The following EYS variants were observed in gnomAD, a reference collection of about 807,000 sequenced individuals.
EYS encodes the protein EGF-like photoreceptor maintenance factor.
Under a neutral mutation model 282.1 loss-of-function variants are expected in EYS, and 250 were observed. That is an observed-to-expected ratio of 0.89 (90% CI 0.80 to 0.98). The LOEUF is 0.98. Among genes scored for constraint, EYS ranks in the 50% least tolerant of loss-of-function variants. The pLI is 0.00. For missense variants in EYS, 4,016 were observed against 3,709.0 expected (o/e 1.08, Z -2.15); for synonymous variants, 1,355 against 1,282.9 (o/e 1.06, Z -1.20).
intron 22 of EYS, among the ~76,000 whole-genome samples, chr6:64,797,064 T>C (rs917138331): frequency 6.6e-6 from 1 of 152,086 alleles, no homozygotes; most frequent in Non-Finnish European, 1.5e-5. Context: ...AAAAATCTGA[T>C]GAAGTTCAGC....
chr6:63,950,217 A>G (rs1250868870), intron 35 of EYS, among the ~76,000 whole-genome samples: 1 of 151,910 alleles, frequency 6.6e-6, no homozygotes, highest in Non-Finnish European at 1.5e-5. Flanking sequence ...CAAAAAAAAC[A>G]AAACCTGCTT....
At chr6:65,135,803 G>A (rs1309640822) in intron 12 of EYS, among the ~76,000 whole-genome samples, 1 of 151,890 alleles carries the variant, frequency 6.6e-6, no homozygotes, top group Non-Finnish European at 1.5e-5. Context: ...ATTATACATA[G>A]CTCTCTGTGA....
chr6:64,098,166 A>C (rs1249795100), intron 31 of EYS, among the ~76,000 whole-genome samples: 3 of 152,190 alleles, frequency 2.0e-5, no homozygotes, highest in African/African-American at 7.2e-5. Flanking sequence ...GTTTTCCTAG[A>C]TATTTCTAGA....
intron 14 of EYS, among the ~76,000 whole-genome samples, chr6:64,953,482 T>C (rs771331249): frequency 1.3e-5 from 2 of 151,844 alleles, no homozygotes; most frequent in Admixed American, 6.6e-5. Flanking sequence ...GTTTTCACTT[T>C]AATTCATAAA....
At chr6:63,917,118 G>A (rs961942614) in intron 35 of EYS, among the ~76,000 whole-genome samples, 1 of 152,232 alleles carries the variant, frequency 6.6e-6, no homozygotes, top group Non-Finnish European at 1.5e-5. Flanking sequence ...TCTGATACAA[G>A]CAGTGTCATG....
In EYS at chr6:64,185,456, C is replaced by T. The variant is rs551591853; in HGVS notation, c.6424+45136G>A. On this transcript the variant is annotated intron_variant, in intron 31 of 42. Coordinates refer to ENST00000503581, the MANE Select transcript of EYS (RefSeq NM_001142800.2). ...TATTCTTGAAAATCTCAGAACCTCA[C>T]ATCAAATTCTTAGTCCATCTGCCTT... is the stretch of plus-strand genomic sequence containing the variant. Among the ~76,000 whole-genome samples the T allele has an allele frequency of 1.6e-4, 25 of 152,262 alleles. No homozygotes were observed. In the South Asian group the frequency reaches 5.2e-3, roughly 32 times the overall value.
At chr6:64,037,983 A>G (rs1770200304) in intron 33 of EYS, among the ~76,000 whole-genome samples, 1 of 152,250 alleles carries the variant, frequency 6.6e-6, no homozygotes, top group Admixed American at 6.5e-5. Flanking sequence ...ATAAAATTGA[A>G]TAAACATCCA....
At chr6:64,544,502 T>A (rs1223054691) in intron 26 of EYS, among the ~76,000 whole-genome samples, 1 of 152,098 alleles carries the variant, frequency 6.6e-6, no homozygotes, top group African/African-American at 2.4e-5. Flanking sequence ...CACCAGTCCC[T>A]GAACAGAAGC....
At chr6:64,828,538 A>T (rs1481307341) in intron 19 of EYS, among the ~76,000 whole-genome samples, 1 of 152,000 alleles carries the variant, frequency 6.6e-6, no homozygotes, top group African/African-American at 2.4e-5. Flanking sequence ...GCTCTGGACC[A>T]AAACTAAAAT....
At chr6:64,692,656 T>C (rs898903054) in intron 22 of EYS, among the ~76,000 whole-genome samples, 2 of 152,108 alleles carry the variant, frequency 1.3e-5, no homozygotes, top group African/African-American at 2.4e-5. Flanking sequence ...TTAGCAGAGG[T>C]AATTTTTGAA....
At chr6:64,671,489 C>T (rs115868893) in intron 22 of EYS, among the ~76,000 whole-genome samples, 1,776 of 152,050 alleles carry the variant, frequency 0.012, 38 homozygotes, top group African/African-American at 0.04. Context: ...GTTTATAAGC[C>T]GCCCATGTAT....
intron 2 of EYS, among the ~76,000 whole-genome samples, chr6:65,592,448 T>G (rs1765263045): frequency 6.6e-6 from 1 of 152,004 alleles, no homozygotes; most frequent in Non-Finnish European, 1.5e-5. Context: ...TTTATTGCAT[T>G]TTATTTACTT....
chr6:64,239,368 C>T (rs1766717745), intron 30 of EYS, among the ~76,000 whole-genome samples: 1 of 152,172 alleles, frequency 6.6e-6, no homozygotes, highest in Admixed American at 6.5e-5. Flanking sequence ...ACACTCCTAC[C>T]AACAGTGTAA....
chr6:64,092,358 A>G (rs1772397987), intron 31 of EYS, among the ~76,000 whole-genome samples: 1 of 152,240 alleles, frequency 6.6e-6, no homozygotes, highest in Non-Finnish European at 1.5e-5. Context: ...ACTAGTTTAC[A>G]ATCCCACCAA....
chr6:64,315,724 A>C (rs954529686), intron 29 of EYS, among the ~76,000 whole-genome samples: 16 of 151,986 alleles, frequency 1.1e-4, no homozygotes, highest in Admixed American at 1.0e-3. Flanking sequence ...TTATGAGGAC[A>C]GCATCATCCT....
intron 26 of EYS, among the ~76,000 whole-genome samples, chr6:64,512,621 A>G (rs1456576647): frequency 6.6e-6 from 1 of 151,358 alleles, no homozygotes; most frequent in Non-Finnish European, 1.5e-5. Flanking sequence ...TTATTTGAGG[A>G]AAGTGGGAAA....
At chr6:64,469,171 T>C (rs1012800719) in intron 26 of EYS, among the ~76,000 whole-genome samples, 1 of 152,188 alleles carries the variant, frequency 6.6e-6, no homozygotes, top group African/African-American at 2.4e-5. Context: ...ATTTTTTGAC[T>C]TTTTAATAAC....
chr6:64,161,744 G>T (rs1033679792), intron 31 of EYS, among the ~76,000 whole-genome samples: 2 of 152,084 alleles, frequency 1.3e-5, no homozygotes, highest in African/African-American at 2.4e-5. Context: ...AAAGACCTAT[G>T]CAGGACCTGT....
At chr6:64,572,077 T>C (rs1043337711) in intron 26 of EYS, among the ~76,000 whole-genome samples, 4 of 151,768 alleles carry the variant, frequency 2.6e-5, no homozygotes, top group Non-Finnish European at 4.4e-5. Flanking sequence ...AAAAAGCTTA[T>C]CCACCCAGTT....
Sources: gnomAD v4.1 joint callset for allele counts (sites outside exome capture counted in the v4.1 genomes callset) on GRCh38, gnomAD v4.1.1 for gene constraint, MANE v1.5 for transcripts, NCBI Gene and HGNC (gene_info 2026-07-23, HGNC 2026-07-21) for gene names.